FBN1: variants seen among roughly 807,000 people sequenced by gnomAD.
The protein encoded by FBN1 is fibrillin-1.
Under a neutral mutation model 365.1 loss-of-function variants are expected in FBN1, and 29 were observed. That is an observed-to-expected ratio of 0.08 (90% confidence interval 0.06 to 0.11). The LOEUF is 0.11. Ranked by LOEUF, FBN1 falls within the 10% of genes least tolerant of loss-of-function variation. FBN1 has a pLI of 1.00. For synonymous variants in FBN1, 1,210 were observed against 1,270.5 expected (o/e 0.95, Z 1.01); for missense variants, 2,476 against 3,703.2 (o/e 0.67, Z 8.60).
At chr15:48,578,885 T>C (rs1454185166) in intron 6 of FBN1, among the ~76,000 whole-genome samples, 20 of 137,654 alleles carry the variant, frequency 1.5e-4, no homozygotes, top group Middle Eastern at 3.5e-3. Context: ...AGGGATAGCA[T>C]TGGGAGATAT....
intron 28 of FBN1, 33 bp from the exon 29 acceptor site, chr15:48,487,233 A>C (rs1248352724): frequency 5.0e-6 from 8 of 1,614,100 alleles, no homozygotes; most frequent in Non-Finnish European, 5.9e-6. Context: ...AAACACCCAA[A>C]CATAAGCTTC....
chr15:48,415,432 A>C, intron 64 of FBN1, 104 bp downstream of exon 64: 1 of 890,588 alleles, frequency 1.1e-6, no homozygotes, highest in African/African-American at 1.7e-5. Flanking sequence ...GATTACAAAA[A>C]GCATGGTTCT....
chr15:48,452,205 T>C (rs1254519210), intron 45 of FBN1, among the ~76,000 whole-genome samples: 1 of 152,164 alleles, frequency 6.6e-6, no homozygotes, highest in Non-Finnish European at 1.5e-5. Flanking sequence ...AAAAAAATCA[T>C]TTGGTCCTAA....
At chr15:48,497,167 C>G (rs879359632) in intron 19 of FBN1, 99 bp downstream of exon 19, 2 of 1,408,426 alleles carry the variant, frequency 1.4e-6, no homozygotes, top group Non-Finnish European at 2.0e-6. Flanking sequence ...TGTCCATTTG[C>G]CCAGTCCTCT....
chr15:48,434,879 C>T (rs1257356547), intron 53 of FBN1, among the ~76,000 whole-genome samples, 166 bp from the exon 54 acceptor site: 1 of 152,208 alleles, frequency 6.6e-6, no homozygotes, highest in Non-Finnish European at 1.5e-5. Context: ...CTCATGCAAA[C>T]TCTGCCTCTC....
chr15:48,468,137 A>G (rs2043338688), intron 37 of FBN1, 35 bp from the exon 38 acceptor site: 1 of 1,613,094 alleles, frequency 6.2e-7, no homozygotes, highest in South Asian at 1.1e-5. Context: ...AGCATCAGGC[A>G]GAATCTTTCT....
At chr15:48,577,580 C>G (rs1178535205) in intron 6 of FBN1, among the ~76,000 whole-genome samples, 3 of 152,036 alleles carry the variant, frequency 2.0e-5, no homozygotes, top group Non-Finnish European at 4.4e-5. Flanking sequence ...CTGGCATTTT[C>G]ACAATAAGAA....
chr15:48,572,212 A>C (rs1388645070), intron 6 of FBN1, among the ~76,000 whole-genome samples: 1 of 152,192 alleles, frequency 6.6e-6, no homozygotes, highest in Non-Finnish European at 1.5e-5. Context: ...GGATTTCTTA[A>C]GTAAAGGATC....
intron 41 of FBN1, among the ~76,000 whole-genome samples, chr15:48,463,636 A>G (rs1318097378): frequency 6.6e-6 from 1 of 152,224 alleles, no homozygotes; most frequent in Non-Finnish European, 1.5e-5. Flanking sequence ...GATACACCCA[A>G]AAGTCAAACA....
intron 18 of FBN1, among the ~76,000 whole-genome samples, chr15:48,497,936 C>T (rs571810480): frequency 6.6e-6 from 1 of 152,202 alleles, no homozygotes; most frequent in Non-Finnish European, 1.5e-5. Flanking sequence ...ACATATAATG[C>T]CCTCTTCACT....
At chr15:48,415,367 C>T (rs185900277) in intron 64 of FBN1, among the ~76,000 whole-genome samples, 169 bp downstream of exon 64, 127 of 152,336 alleles carry the variant, frequency 8.3e-4, no homozygotes, top group African/African-American at 3.0e-3. Context: ...CCAGATGCTT[C>T]CTTCCAAATA....
At chr15:48,579,867 C>T (rs555556358) in intron 6 of FBN1, among the ~76,000 whole-genome samples, 9 of 152,212 alleles carry the variant, frequency 5.9e-5, no homozygotes, top group African/African-American at 2.2e-4. Context: ...CAACCCAATA[C>T]GACTAAAAGA....
chr15:48,441,428 C>G (rs1426718), intron 50 of FBN1, among the ~76,000 whole-genome samples: 1 of 151,938 alleles, frequency 6.6e-6, no homozygotes, highest in African/African-American at 2.4e-5. Flanking sequence ...TTTGCTGTTT[C>G]GGTGGCTCAA....
chr15:48,495,631 T>C (rs771510432), intron 20 of FBN1, 43 bp from the exon 21 acceptor site: 1 of 1,613,586 alleles, frequency 6.2e-7, no homozygotes, highest in Non-Finnish European at 8.5e-7. Flanking sequence ...AATCTAGTCT[T>C]GGGCCTAAAA....
At position 48,495,521 on chromosome 15, in the gene FBN1, A is replaced by G. The variant is rs778278231; in HGVS notation, c.2487T>C (p.Ile829=). ...AAGTACTTTCAGAAGAACATTCACA[A>G]ATAAAAGAGCCTGGGCTGTTCTTGC... ...GVCKNSPGSF[I]CECSSESTLD... is the part of the protein sequence containing the mutation. Residue 829 remains isoleucine (I), a synonymous_variant, in exon 21 of 66, where the codon ATT becomes ATC. Coordinates refer to ENST00000316623, the MANE Select transcript of FBN1 (RefSeq NM_000138.5). 1 of 1,614,082 alleles carries G rather than the reference A, an allele frequency of 6.2e-7. No individual in the cohort carries two copies. The highest frequency in any genetic ancestry group is 8.5e-7 in the Non-Finnish European group (1 of 1,179,982).
chr15:48,500,197 A>T (rs2043642671), intron 17 of FBN1, among the ~76,000 whole-genome samples: 1 of 152,254 alleles, frequency 6.6e-6, no homozygotes, highest in African/African-American at 2.4e-5. Context: ...GCAAAAAGCT[A>T]AAATATGCAT....
At chr15:48,618,968 T>C (rs1258152837) in intron 2 of FBN1, among the ~76,000 whole-genome samples, 2 of 152,204 alleles carry the variant, frequency 1.3e-5, no homozygotes, top group Non-Finnish European at 2.9e-5. Flanking sequence ...CCACTGATTC[T>C]ACATTACGGT....
chr15:48,619,071 C>G (rs557522008), intron 2 of FBN1, among the ~76,000 whole-genome samples: 2 of 152,008 alleles, frequency 1.3e-5, no homozygotes, highest in Non-Finnish European at 2.9e-5. Context: ...ATCCTGAAAC[C>G]ATCCCCCCAT....
At chr15:48,486,091 C>A (rs2043504181) in intron 29 of FBN1, among the ~76,000 whole-genome samples, 1 of 152,120 alleles carries the variant, frequency 6.6e-6, no homozygotes, top group Non-Finnish European at 1.5e-5. Context: ...GACAGATGAA[C>A]AATTAATTGC....
Sources: gnomAD v4.1 joint callset for allele counts (sites outside exome capture counted in the v4.1 genomes callset) on GRCh38, gnomAD v4.1.1 for gene constraint, MANE v1.5 for transcripts, NCBI Gene and HGNC (gene_info 2026-07-23, HGNC 2026-07-21) for gene names.